The following PRELID2 variants were observed in gnomAD, a reference collection of about 807,000 sequenced individuals.
PRELID2 encodes PRELI domain-containing protein 2.
A neutral mutation model predicts 28.4 loss-of-function variants in PRELID2; 25 were observed. The ratio of observed to expected loss-of-function variants is 0.88; its 90% CI spans 0.64 to 1.23. The LOEUF is 1.23. PRELID2 is among the 50% of genes most tolerant of loss of function. PRELID2 has a pLI of 0.00. For synonymous variants in PRELID2, 76 were observed against 71.6 expected (o/e 1.06, Z -0.31); for missense variants, 201 against 214.4 (o/e 0.94, Z 0.39).
At chr5:145,309,186 G>C in the PRELID2 span, among the ~76,000 whole-genome samples, 1 of 152,152 alleles carries the variant, frequency 6.6e-6, no homozygotes, top group Non-Finnish European at 1.5e-5. Flanking sequence ...AGCAAACATT[G>C]AGAAAATACT....
At chr5:145,387,702 T>C in the PRELID2 span, among the ~76,000 whole-genome samples, 1 of 151,828 alleles carries the variant, frequency 6.6e-6, no homozygotes, top group Non-Finnish European at 1.5e-5. Flanking sequence ...GAGGCCAAGG[T>C]GGGAGGATTG....
chr5:145,673,442 C>T (rs184337136), intron 1 of PRELID2, among the ~76,000 whole-genome samples: 410 of 151,766 alleles, frequency 2.7e-3, no homozygotes, highest in Non-Finnish European at 3.7e-3. Context: ...GACAGAGCAT[C>T]CAGATCTTCC....
intron 1 of PRELID2, among the ~76,000 whole-genome samples, chr5:145,603,398 C>T (rs953287206): frequency 6.6e-6 from 1 of 151,974 alleles, no homozygotes; most frequent in African/African-American, 2.4e-5. Flanking sequence ...CAGCAGCACA[C>T]TGCTTGAATG....
chr5:145,429,386 C>T, the PRELID2 span, among the ~76,000 whole-genome samples: 12 of 152,130 alleles, frequency 7.9e-5, no homozygotes, highest in East Asian at 1.9e-4. Context: ...AATGTAGCTA[C>T]CATGAACTGA....
At chr5:145,693,703 G>A (rs1202408219) in intron 1 of PRELID2, among the ~76,000 whole-genome samples, 2 of 152,160 alleles carry the variant, frequency 1.3e-5, no homozygotes, top group Admixed American at 6.5e-5. Flanking sequence ...GAGCCCAAGA[G>A]TTTGGGGCTG....
chr5:145,772,784 C>T (rs889519703), intron 5 of PRELID2, among the ~76,000 whole-genome samples: 2 of 152,174 alleles, frequency 1.3e-5, no homozygotes, highest in African/African-American at 4.8e-5. Flanking sequence ...TCTTTATTGG[C>T]TGTATTCAAA....
At chr5:145,311,660 A>G in the PRELID2 span, among the ~76,000 whole-genome samples, 1 of 152,162 alleles carries the variant, frequency 6.6e-6, no homozygotes, top group Non-Finnish European at 1.5e-5. Context: ...TCCATGCAAC[A>G]GTACTATATT....
chr5:145,752,951 A>C (rs111259222), downstream of PRELID2, among the ~76,000 whole-genome samples: 2,298 of 152,354 alleles, frequency 0.015, 51 homozygotes, highest in African/African-American at 0.052. Flanking sequence ...CCACTGAAGA[A>C]ACTGGCAGTG....
At chr5:145,552,112 G>T (rs1752840989) in intron 1 of PRELID2, among the ~76,000 whole-genome samples, 1 of 152,112 alleles carries the variant, frequency 6.6e-6, no homozygotes, top group Non-Finnish European at 1.5e-5. Flanking sequence ...ATTACATAGT[G>T]TGCCCTACTT....
chr5:145,293,241 C>A, the PRELID2 span, among the ~76,000 whole-genome samples: 111 of 152,194 alleles, frequency 7.3e-4, no homozygotes, highest in African/African-American at 2.6e-3. Flanking sequence ...AGTTTGCAAC[C>A]CTCGTTATAT....
chr5:145,281,478 C>A, the PRELID2 span, among the ~76,000 whole-genome samples: 1 of 152,168 alleles, frequency 6.6e-6, no homozygotes, highest in African/African-American at 2.4e-5. Context: ...AGAACTCCTA[C>A]ACTTTCAATA....
At chr5:145,664,126 T>C (rs771444592) in intron 1 of PRELID2, among the ~76,000 whole-genome samples, 1 of 152,154 alleles carries the variant, frequency 6.6e-6, no homozygotes, top group Admixed American at 6.6e-5. Flanking sequence ...AAATAAGTCA[T>C]ATAGAGGAAG....
the PRELID2 span, among the ~76,000 whole-genome samples, chr5:145,277,821 T>C: frequency 6.6e-6 from 1 of 152,184 alleles, no homozygotes; most frequent in South Asian, 2.1e-4. Flanking sequence ...TGAGTTTCCC[T>C]TGGGGTCAGC....
chr5:145,536,468 G>T (rs1262534067), intron 1 of PRELID2, among the ~76,000 whole-genome samples: 9 of 151,896 alleles, frequency 5.9e-5, no homozygotes, highest in Admixed American at 5.9e-4. Flanking sequence ...CAGCTGCCAA[G>T]AACTCTCAAC....
the PRELID2 span, among the ~76,000 whole-genome samples, chr5:145,418,585 T>C: frequency 6.6e-6 from 1 of 152,032 alleles, no homozygotes; most frequent in African/African-American, 2.4e-5. Flanking sequence ...GAAATAATAC[T>C]GCACACCTAC....
At chr5:145,632,867 C>A (rs1753951255) in intron 1 of PRELID2, among the ~76,000 whole-genome samples, 1 of 152,158 alleles carries the variant, frequency 6.6e-6, no homozygotes, top group Admixed American at 6.5e-5. Flanking sequence ...CTAAGTGGGC[C>A]TGACCTAATT....
chr5:145,459,446 G>C, the PRELID2 span, among the ~76,000 whole-genome samples: 1 of 151,668 alleles, frequency 6.6e-6, no homozygotes, highest in Non-Finnish European at 1.5e-5. Flanking sequence ...ACCTAGAAAA[G>C]TCAAAAAAAA....
intron 1 of PRELID2, among the ~76,000 whole-genome samples, chr5:145,714,561 AAAT>A (rs1338895702): frequency 6.6e-6 from 1 of 152,138 alleles, no homozygotes; most frequent in East Asian, 1.9e-4. Flanking sequence ...CCTTTCCAGG[AAAT>A]AATATGTGTT....
At chr5:145,624,030 TAG>T (rs1753810661) in intron 1 of PRELID2, among the ~76,000 whole-genome samples, 2 of 152,156 alleles carry the variant, frequency 1.3e-5, no homozygotes, top group Admixed American at 1.3e-4. Flanking sequence ...AATAACTCAC[TAG>T]AACAGCCCAA....
Sources: gnomAD v4.1 joint callset for allele counts (sites outside exome capture counted in the v4.1 genomes callset) on GRCh38, gnomAD v4.1.1 for gene constraint, MANE v1.5 for transcripts, NCBI Gene and HGNC (gene_info 2026-07-23, HGNC 2026-07-21) for gene names.